MAPK10: variants seen among roughly 807,000 people sequenced by gnomAD.
MAPK10 encodes the protein mitogen-activated protein kinase 10, also known as JNK3 alpha protein kinase.
In MAPK10, 25 loss-of-function variants were observed where a neutral mutation model predicts 59.3. That is an observed-to-expected ratio of 0.42 (90% CI 0.31 to 0.59). MAPK10 has a LOEUF of 0.59. Ranked by LOEUF, MAPK10 falls within the 20% of genes least tolerant of loss-of-function variation. MAPK10 has a pLI of 0.15. For missense variants in MAPK10, 351 were observed against 568.9 expected (o/e 0.62, Z 3.90); for synonymous variants, 190 against 200.5 (o/e 0.95, Z 0.44).
chr4:86,530,985 C>G (rs60396872), intron 1 of MAPK10, among the ~76,000 whole-genome samples: 3 of 152,202 alleles, frequency 2.0e-5, no homozygotes, highest in Non-Finnish European at 4.4e-5. Context: ...ATGATGAGAT[C>G]TGGACCATGC....
intron 2 of MAPK10, among the ~76,000 whole-genome samples, chr4:86,216,353 C>A (rs2148623819): frequency 6.9e-6 from 1 of 145,776 alleles, no homozygotes; most frequent in Middle Eastern, 3.7e-3. Context: ...AAGTATTCAC[C>A]CTTAAAAAGG....
At chr4:86,113,712 G>T (rs1453474937) in intron 4 of MAPK10, among the ~76,000 whole-genome samples, 1 of 152,114 alleles carries the variant, frequency 6.6e-6, no homozygotes, top group African/African-American at 2.4e-5. Flanking sequence ...TTCTCATAGA[G>T]TATCTCACCG....
intron 1 of MAPK10, among the ~76,000 whole-genome samples, chr4:86,437,124 G>C (rs1243575575): frequency 6.6e-6 from 1 of 150,524 alleles, no homozygotes; most frequent in East Asian, 2.0e-4. Context: ...TGAGGCAGGA[G>C]AATGGCGTGA....
chr4:86,462,436 A>C (rs1751830966), intron 1 of MAPK10, among the ~76,000 whole-genome samples: 1 of 152,238 alleles, frequency 6.6e-6, no homozygotes, highest in African/African-American at 2.4e-5. Flanking sequence ...CAAATCAATA[A>C]GGCAAAGCGG....
chr4:86,109,354 A>C (rs1469855253), intron 4 of MAPK10, among the ~76,000 whole-genome samples: 1 of 152,110 alleles, frequency 6.6e-6, no homozygotes, highest in Non-Finnish European at 1.5e-5. Flanking sequence ...CCCAGCATGC[A>C]TTAGCTATTT....
intron 1 of MAPK10, among the ~76,000 whole-genome samples, chr4:86,430,477 G>A (rs75469055): frequency 0.01 from 1,538 of 152,286 alleles, 14 homozygotes; most frequent in African/African-American, 0.027. Context: ...AAAGGAGAGA[G>A]AGAGAATTCC....
rs1224534316 is a variant in MAPK10 at position 86,107,597 on chromosome 4, G to A, written c.237-245C>T. ...AGGAGAAACAGGAGAAGGGGGGAAG[G>A]AGTAGAAGAGGGCAAAGGAGAAGAA... On this transcript the variant is annotated intron_variant, in intron 4 of 13. Transcript: ENST00000641462. 6.2e-6 allele frequency: 7 copies of A among 1,122,276 alleles called. No individual in the cohort carries two copies. In the East Asian group the frequency reaches 3.5e-4, roughly 56 times the overall value. The allele number at this position is 1,122,276 out of a possible 1,614,324, so 69.5% of individuals were successfully genotyped here.
At chr4:86,282,284 G>T (rs1056615061) in intron 2 of MAPK10, among the ~76,000 whole-genome samples, 1 of 152,114 alleles carries the variant, frequency 6.6e-6, no homozygotes, top group Admixed American at 6.6e-5. Context: ...ATGTGTAATG[G>T]ACAATGTTTA....
At chr4:86,099,624 T>C (rs1412382650) in intron 8 of MAPK10, 1 of 152,018 alleles carries the variant, frequency 6.6e-6, no homozygotes, top group East Asian at 1.9e-4. Context: ...CTTAGAGAAG[T>C]CAAAAACCTA....
intron 1 of MAPK10, among the ~76,000 whole-genome samples, chr4:86,472,870 G>T (rs1208431621): frequency 6.6e-6 from 1 of 152,164 alleles, no homozygotes. Context: ...CATTTACACA[G>T]GGCGTACCCC....
chr4:86,405,226 A>G (rs1744221900), intron 1 of MAPK10, among the ~76,000 whole-genome samples: 1 of 152,182 alleles, frequency 6.6e-6, no homozygotes, highest in African/African-American at 2.4e-5. Context: ...TGAGCTCAAT[A>G]ATCATGATAG....
intron 3 of MAPK10, among the ~76,000 whole-genome samples, chr4:86,163,687 G>T (rs1198207192): frequency 6.6e-6 from 1 of 152,118 alleles, no homozygotes; most frequent in Non-Finnish European, 1.5e-5. Context: ...CCAAGAATCT[G>T]TACTTCTAAC....
chr4:86,554,982 T>C (rs1271915095), intron 1 of MAPK10, among the ~76,000 whole-genome samples: 1 of 152,248 alleles, frequency 6.6e-6, no homozygotes, highest in East Asian at 1.9e-4. Context: ...TCAGATGCCC[T>C]TTCTTCCTCT....
At chr4:86,018,370 T>C (rs1027281399) in intron 13 of MAPK10, among the ~76,000 whole-genome samples, 1 of 139,726 alleles carries the variant, frequency 7.2e-6, no homozygotes, top group African/African-American at 2.7e-5. Context: ...AAAAAAAAAA[T>C]AGGAGAAGCC....
At chr4:86,152,722 C>G (rs1414212422) in intron 4 of MAPK10, 1 of 152,142 alleles carries the variant, frequency 6.6e-6, no homozygotes, top group African/African-American at 2.4e-5. Flanking sequence ...ATAAAAAGCT[C>G]CTCTAAGCCT....
intron 2 of MAPK10, among the ~76,000 whole-genome samples, chr4:86,292,673 G>C (rs186157189): frequency 2.6e-5 from 4 of 152,112 alleles, no homozygotes; most frequent in Non-Finnish European, 5.9e-5. Flanking sequence ...AGCTATGATC[G>C]CACCACTGCC....
At chr4:86,581,171 A>G (rs1391393601) in intron 1 of MAPK10, among the ~76,000 whole-genome samples, 4 of 152,188 alleles carry the variant, frequency 2.6e-5, no homozygotes, top group African/African-American at 9.7e-5. Context: ...CAGAACTGCT[A>G]GAATTGTACT....
intron 5 of MAPK10, among the ~76,000 whole-genome samples, chr4:86,105,263 C>T (rs927664159): frequency 4.6e-5 from 7 of 151,980 alleles, no homozygotes; most frequent in South Asian, 4.1e-4. Context: ...CTTATTAATG[C>T]GAAATTTACA....
chr4:86,450,773 C>T (rs565604202), intron 1 of MAPK10, among the ~76,000 whole-genome samples: 4 of 152,320 alleles, frequency 2.6e-5, no homozygotes, highest in East Asian at 1.9e-4. Context: ...AGTCATAAAG[C>T]AAACTGTTCC....
Sources: allele counts gnomAD v4.1 joint callset (sites outside exome capture counted in the v4.1 genomes callset), GRCh38; gene constraint gnomAD v4.1.1; transcripts MANE v1.5; gene names NCBI Gene and HGNC (gene_info 2026-07-23, HGNC 2026-07-21).